RMDN1: variants seen among roughly 807,000 people sequenced by gnomAD.
The protein encoded by RMDN1 is regulator of microtubule dynamics 1, also known as regulator of microtubule dynamics protein 1.
Under a neutral mutation model 48.9 loss-of-function variants are expected in RMDN1, and 48 were observed. The observed-to-expected ratio is 0.98, with a 90% CI of 0.78 to 1.25. The LOEUF is 1.25. Among genes scored for constraint, RMDN1 ranks in the 50% most tolerant of loss-of-function variants. The pLI is 0.00. For synonymous variants in RMDN1, 148 were observed against 132.6 expected (o/e 1.12, Z -0.80); for missense variants, 418 against 373.4 (o/e 1.12, Z -0.98).
At chr8:86,512,825 G>A (rs994982245), upstream of RMDN1, among the ~76,000 whole-genome samples, 2 of 151,886 alleles carry the variant, frequency 1.3e-5, no homozygotes, top group African/African-American at 4.8e-5. Context: ...TGTAATCCCA[G>A]CACTCTGGGA....
At chr8:86,468,790 C>G, downstream of RMDN1, 1 of 445,002 alleles carries the variant, frequency 2.2e-6, no homozygotes, top group South Asian at 1.6e-5. Context: ...TATCCAAGAC[C>G]TACAGGCAGA....
intron 2 of RMDN1, chr8:86,503,875 T>C (rs539082172): frequency 1.5e-6 from 1 of 652,564 alleles, no homozygotes; most frequent in East Asian, 3.0e-5. Flanking sequence ...CGTCAACCTG[T>C]TGGCTGTCTC....
chr8:86,468,710 A>G (rs911839217), downstream of RMDN1: 3 of 456,130 alleles, frequency 6.6e-6, no homozygotes, highest in East Asian at 2.1e-4. Context: ...ACAGAACCCT[A>G]CAAGAGACAA....
At chr8:86,477,388 C>T (rs1315071803) in intron 7 of RMDN1, 64 bp from the exon 8 acceptor site, 16 of 1,315,494 alleles carry the variant, frequency 1.2e-5, no homozygotes, top group Admixed American at 2.3e-5. Flanking sequence ...ATTAAAAAAG[C>T]ATTGTCTCAA....
intron 2 of RMDN1, among the ~76,000 whole-genome samples, chr8:86,506,086 A>C (rs1047708513): frequency 2.0e-5 from 3 of 152,250 alleles, no homozygotes; most frequent in Admixed American, 6.5e-5. Context: ...CCCTCACTGG[A>C]CCAAACAACT....
Position 86,474,918 on chromosome 8 carries a change from AAAG to A in RMDN1, c.793_795del (p.Leu266del), listed in dbSNP as rs199906565. 1.2e-5 allele frequency: 20 copies of A among 1,611,080 alleles called. No individual in the cohort carries two copies. In the East Asian group the frequency reaches 3.1e-4, roughly 25 times the overall value. ...TGTAGTTTCAAGTATGTCTTTCCTA[AAAG>A]AAGTAAGTTTTTGCTGTAGAAGTTT... On this transcript the variant is annotated inframe_deletion, in exon 9 of 10. Coordinates refer to ENST00000406452, the MANE Select transcript of RMDN1 (RefSeq NM_016033.3).
At chr8:86,470,380 G>A (rs192330546), downstream of RMDN1, 83 of 1,287,818 alleles carry the variant, frequency 6.4e-5, no homozygotes, top group African/African-American at 7.6e-5. Context: ...GAAACGTCAC[G>A]GACCAATGTG....
chr8:86,492,651 T>TTAATAATAATAATAA (rs71574272), intron 2 of RMDN1, among the ~76,000 whole-genome samples: 1 of 144,288 alleles, frequency 6.9e-6, no homozygotes, highest in African/African-American at 2.6e-5. Flanking sequence ...AGACTCCGCC[T>TTAATAATAATAATAA]TAATAATAAT....
chr8:86,478,881 G>C (rs373696317), intron 7 of RMDN1, 42 bp downstream of exon 7: 15 of 1,497,668 alleles, frequency 1.0e-5, no homozygotes, highest in Non-Finnish European at 1.4e-5. Context: ...TGGCGCTGTG[G>C]TTAAGAAATC....
chr8:86,475,853 A>G (rs892948672), intron 8 of RMDN1, among the ~76,000 whole-genome samples: 5 of 152,194 alleles, frequency 3.3e-5, no homozygotes, highest in Admixed American at 6.5e-5. Flanking sequence ...CGTATATTCA[A>G]TCATCCGATC....
At chr8:86,503,380 A>AAAAAAC (rs1818675386) in intron 2 of RMDN1, among the ~76,000 whole-genome samples, 5 of 59,018 alleles carry the variant, frequency 8.5e-5, no homozygotes, top group African/African-American at 6.7e-4. Context: ...ACAAAAAAAA[A>AAAAAAC]AAAAAAAAAC....
At chr8:86,482,394 C>G (rs1397147879) in intron 5 of RMDN1, 4 of 403,052 alleles carry the variant, frequency 9.9e-6, no homozygotes, top group African/African-American at 6.2e-5. Context: ...AGAGGAGACT[C>G]TGTCTCAAAC....
intron 5 of RMDN1, among the ~76,000 whole-genome samples, chr8:86,484,245 G>C (rs769143943): frequency 1.3e-5 from 2 of 152,146 alleles, no homozygotes; most frequent in Non-Finnish European, 2.9e-5. Context: ...TGAAGGTTGA[G>C]CTAGACAACT....
upstream of RMDN1, among the ~76,000 whole-genome samples, chr8:86,511,240 C>T (rs1820033281): frequency 1.3e-5 from 2 of 151,776 alleles, no homozygotes; most frequent in Admixed American, 1.3e-4. Flanking sequence ...TTTGGGAGGC[C>T]AAAGCGGGCA....
intron 2 of RMDN1, among the ~76,000 whole-genome samples, chr8:86,489,712 C>A (rs902104119): frequency 6.6e-5 from 10 of 152,022 alleles, no homozygotes; most frequent in Admixed American, 6.6e-4. Context: ...CGCCTGTAAT[C>A]CCAGCTACTT....
chr8:86,485,474 A>G (rs1392741016), intron 4 of RMDN1, among the ~76,000 whole-genome samples: 1 of 152,216 alleles, frequency 6.6e-6, no homozygotes, highest in East Asian at 1.9e-4. Context: ...ACATGTTTAT[A>G]GAGAACTATA....
intron 2 of RMDN1, among the ~76,000 whole-genome samples, chr8:86,491,970 C>G (rs1268294619): frequency 6.6e-6 from 1 of 152,126 alleles, no homozygotes; most frequent in African/African-American, 2.4e-5. Context: ...GTAGCAGTAA[C>G]ATCATCAAAG....
intron 2 of RMDN1, chr8:86,504,512 G>A: frequency 6.7e-7 from 1 of 1,482,740 alleles, no homozygotes; most frequent in South Asian, 1.1e-5. Flanking sequence ...GCCACCATTG[G>A]TGCACGTGTG....
chr8:86,498,642 G>T (rs13267858), intron 2 of RMDN1, among the ~76,000 whole-genome samples: 1 of 151,812 alleles, frequency 6.6e-6, no homozygotes, highest in African/African-American at 2.4e-5. Flanking sequence ...TTACCCAGGC[G>T]TAGTGGTATA....
Sources: allele counts gnomAD v4.1 joint callset (sites outside exome capture counted in the v4.1 genomes callset), GRCh38; gene constraint gnomAD v4.1.1; transcripts MANE v1.5; gene names NCBI Gene and HGNC (gene_info 2026-07-23, HGNC 2026-07-21).